The following GLIS3 variants were observed in gnomAD, a reference collection of about 807,000 sequenced individuals.
The protein encoded by GLIS3 is zinc finger protein GLIS3.
Under a neutral mutation model 78.6 loss-of-function variants are expected in GLIS3, and 53 were observed. The ratio of observed to expected loss-of-function variants is 0.67; its 90% CI spans 0.54 to 0.85. The LOEUF (loss-of-function observed/expected upper bound fraction) is 0.85, where lower values mean the gene tolerates loss of function less well. GLIS3 is among the 40% of genes least tolerant of loss of function. The pLI, the probability that GLIS3 is intolerant of heterozygous loss-of-function variation, is 0.00. For synonymous variants in GLIS3, 684 were observed against 509.9 expected (o/e 1.34, Z -4.60); for missense variants, 1,703 against 1,231.1 (o/e 1.38, Z -5.74).
At chr9:3,956,627 TTTTTG>T (rs140183933) in intron 4 of GLIS3, among the ~76,000 whole-genome samples, 2,801 of 152,246 alleles carry the variant, frequency 0.018, 70 homozygotes, top group African/African-American at 0.059. Context: ...ATGGAGGGTT[TTTTTG>T]TTTTGTTTTG....
At chr9:4,158,944 T>C (rs908920374) in intron 2 of GLIS3, among the ~76,000 whole-genome samples, 6 of 144,234 alleles carry the variant, frequency 4.2e-5, no homozygotes, top group Admixed American at 2.2e-4. Flanking sequence ...CATGTAACAA[T>C]ACGGGGGCGG....
the GLIS3 span, among the ~76,000 whole-genome samples, chr9:4,429,813 T>C: frequency 6.6e-6 from 1 of 152,136 alleles, no homozygotes; most frequent in African/African-American, 2.4e-5. Context: ...TGGAGACTGA[T>C]GCAGTGGCCC....
chr9:3,986,541 T>C (rs1446701290), intron 4 of GLIS3, among the ~76,000 whole-genome samples: 1 of 152,252 alleles, frequency 6.6e-6, no homozygotes, highest in Non-Finnish European at 1.5e-5. Context: ...GAGTTCTCAA[T>C]TCATATAAGC....
At chr9:4,193,407 C>G (rs755886212) in intron 2 of GLIS3, among the ~76,000 whole-genome samples, 2 of 152,088 alleles carry the variant, frequency 1.3e-5, no homozygotes, top group African/African-American at 4.8e-5. Context: ...AACCATATGG[C>G]CTAAGAAGTC....
chr9:4,171,847 A>C (rs923035627), intron 2 of GLIS3, among the ~76,000 whole-genome samples: 3 of 152,208 alleles, frequency 2.0e-5, no homozygotes, highest in African/African-American at 7.2e-5. Context: ...CTGATGATTA[A>C]ACGACTGAAG....
chr9:3,917,605 T>C (rs577366073), intron 6 of GLIS3, among the ~76,000 whole-genome samples: 43 of 152,244 alleles, frequency 2.8e-4, no homozygotes, highest in African/African-American at 9.6e-4. Context: ...TCCATTATTT[T>C]TTTTTTTTCA....
intron 2 of GLIS3, among the ~76,000 whole-genome samples, chr9:4,333,607 C>A (rs1286460302): frequency 6.6e-6 from 1 of 151,948 alleles, no homozygotes; most frequent in Non-Finnish European, 1.5e-5. Context: ...GTGACCTATT[C>A]AATTTGTTTT....
chr9:4,474,723 G>A, the GLIS3 span, among the ~76,000 whole-genome samples: 26 of 129,744 alleles, frequency 2.0e-4, 2 homozygotes, highest in East Asian at 5.1e-3. Flanking sequence ...TTGAGATGGC[G>A]TCTTGTTCTG....
intron 2 of GLIS3, among the ~76,000 whole-genome samples, chr9:4,277,265 A>T (rs1156272352): frequency 6.6e-6 from 1 of 152,168 alleles, no homozygotes; most frequent in Non-Finnish European, 1.5e-5. Flanking sequence ...ATTTTAAATC[A>T]GTGTATTTTA....
At chr9:4,489,090 A>G in the GLIS3 span, among the ~76,000 whole-genome samples, 67,926 of 151,482 alleles carry the variant, frequency 0.45, 15,385 homozygotes, top group Middle Eastern at 0.51. Flanking sequence ...GATGGTCTCA[A>G]TCTCCTGACC....
chr9:3,965,188 C>CTTTTTTTTTTTTTTTTTT lies in GLIS3; in HGVS notation c.1711-28000_1711-27999insAAAAAAAAAAAAAAAAAA, dbSNP rs750454441. 1.4e-3 allele frequency among the ~76,000 whole-genome samples: 140 copies of CTTTTTTTTTTTTTTTTTT among 98,946 alleles called. 6 individuals carry two copies. Among genetic ancestry groups the CTTTTTTTTTTTTTTTTTT allele is most frequent in the Middle Eastern group, 5.4e-3 (1 of 186 alleles). The allele number at this position is 98,946 out of a possible 152,430, so 64.9% of individuals were successfully genotyped here. A position where few individuals can be genotyped will look rare whatever the true frequency, so the allele number is the denominator to read the frequency against. On this transcript the variant is annotated intron_variant, in intron 4 of 10. Coordinates refer to ENST00000381971, the MANE Select transcript of GLIS3 (RefSeq NM_001042413.2). Reference sequence around the variant, plus strand: ...TACTTCTTTTCTATTTCTTTCTTTTCTTTTCTTTTTTTTTTTTTTTTTTTG... The same window carrying CTTTTTTTTTTTTTTTTTT: ...TACTTCTTTTCTATTTCTTTCTTTTCTTTTTTTTTTTTTTTTTTTTTTCTTTTTTTTTTTTTTTTTTTG...
At chr9:4,362,240 TTTTCCTTACTTC>T in the GLIS3 span, among the ~76,000 whole-genome samples, 344 of 152,348 alleles carry the variant, frequency 2.3e-3, no homozygotes, top group African/African-American at 8.0e-3. Context: ...CTATGGATTT[TTTTCCTTACTTC>T]TTTCCTTCTT....
chr9:4,064,918 G>C (rs1237751890), intron 4 of GLIS3, among the ~76,000 whole-genome samples: 1 of 152,156 alleles, frequency 6.6e-6, no homozygotes, highest in Non-Finnish European at 1.5e-5. Flanking sequence ...AATCCCCAGG[G>C]AGCTGTAAGT....
the GLIS3 span, among the ~76,000 whole-genome samples, chr9:4,402,834 T>A: frequency 4.4e-3 from 663 of 152,204 alleles, 4 homozygotes; most frequent in Non-Finnish European, 6.7e-3. Flanking sequence ...GAAAATAGTC[T>A]CACAAATATG....
chr9:4,478,909 A>T, the GLIS3 span, among the ~76,000 whole-genome samples: 2 of 152,220 alleles, frequency 1.3e-5, no homozygotes, highest in African/African-American at 2.4e-5. Context: ...TCTTAGCATT[A>T]TGAAATAGCA....
the GLIS3 span, among the ~76,000 whole-genome samples, chr9:4,435,766 A>ATG: frequency 5.3e-4 from 80 of 152,102 alleles, no homozygotes; most frequent in Admixed American, 4.1e-3. Flanking sequence ...TGGCTAATAC[A>ATG]GTGAAACCCT....
intron 4 of GLIS3, among the ~76,000 whole-genome samples, chr9:4,056,147 A>G (rs977477170): frequency 8.5e-5 from 13 of 152,220 alleles, no homozygotes; most frequent in Non-Finnish European, 1.0e-4. Flanking sequence ...ATCCTAGCGT[A>G]TAAGAATGGC....
chr9:4,316,265 T>C (rs900863244), intron 2 of GLIS3, among the ~76,000 whole-genome samples: 3 of 152,232 alleles, frequency 2.0e-5, no homozygotes, highest in African/African-American at 7.2e-5. Flanking sequence ...GCAAATCCAG[T>C]GACTGCTCAC....
the GLIS3 span, among the ~76,000 whole-genome samples, chr9:4,367,759 A>T: frequency 6.6e-6 from 1 of 152,144 alleles, no homozygotes; most frequent in African/African-American, 2.4e-5. Context: ...ACATTTGAAG[A>T]AGTAGCAAAT....
Sources: allele counts gnomAD v4.1 joint callset (sites outside exome capture counted in the v4.1 genomes callset), GRCh38; gene constraint gnomAD v4.1.1; transcripts MANE v1.5; gene names NCBI Gene and HGNC (gene_info 2026-07-23, HGNC 2026-07-21).